The following MTA3 variants were observed in gnomAD, a reference collection of about 807,000 sequenced individuals.
MTA3 encodes metastasis associated 1 family member 3.
MTA3 carries 34 observed loss-of-function variants against 83.5 expected under a neutral mutation model. The observed-to-expected ratio is 0.41, with a 90% CI of 0.31 to 0.54. The LOEUF is 0.54. Ranked by LOEUF, MTA3 falls within the 20% of genes least tolerant of loss-of-function variation. The probability of loss-of-function intolerance (pLI) is 0.33; values close to 1 mark genes in which losing one functional copy is unlikely to be tolerated. For synonymous variants in MTA3, 303 were observed against 252.7 expected (o/e 1.20, Z -1.89); for missense variants, 761 against 726.4 (o/e 1.05, Z -0.55).
At chr2:42,541,877 C>A (rs534680612) in intron 2 of MTA3, among the ~76,000 whole-genome samples, 1 of 152,278 alleles carries the variant, frequency 6.6e-6, no homozygotes, top group African/African-American at 2.4e-5. Flanking sequence ...CAGATGGCTA[C>A]TGTCAATTAG....
In MTA3 at chr2:42,742,518, G is replaced by A. The variant is rs189633917; in HGVS notation, c.1760-10856G>A. On this transcript the variant is annotated intron_variant, in intron 16 of 16. Coordinates refer to ENST00000405094, the MANE Select transcript of MTA3 (RefSeq NM_001330442.2). ...CGATATACCAAATATAAAAGTTGGG[G>A]TATAGGAACTATATTTTTCTGGAAG... Among the ~76,000 whole-genome samples the A allele has an allele frequency of 6.6e-4, 101 of 152,214 alleles. 1 individual carries two copies. Among genetic ancestry groups the A allele is most frequent in the African/African-American group, 2.4e-3 (99 of 41,540 alleles).
At chr2:42,715,200 C>G (rs1666937088) in intron 14 of MTA3, among the ~76,000 whole-genome samples, 1 of 152,158 alleles carries the variant, frequency 6.6e-6, no homozygotes, top group Non-Finnish European at 1.5e-5. Context: ...CATTGTTGGC[C>G]TGGCATTGAG....
In MTA3 at chr2:42,512,345, C is replaced by T. The variant is rs529056444; in HGVS notation, c.-141+17091C>T. Among the ~76,000 whole-genome samples the T allele has an allele frequency of 2.0e-5, 3 of 152,258 alleles. No individual in the cohort carries two copies. The East Asian group carries it at 5.8e-4, about 29-fold the overall frequency. ...GCTTTCCTAGTTTTTCGGGATTCCA[C>T]TTCCAGTGCTGTAACTCCATGCTGC... On this transcript the variant is annotated intron_variant, in intron 2 of 17. Coordinates refer to the MTA3 transcript ENST00000405592.
chr2:42,542,295 T>C (rs1277264835), intron 2 of MTA3, among the ~76,000 whole-genome samples: 2 of 152,168 alleles, frequency 1.3e-5, no homozygotes, highest in East Asian at 3.8e-4. Context: ...GGGTGAGTTA[T>C]CAGACAATGC....
chr2:42,537,917 A>G (rs1249037244), intron 2 of MTA3, among the ~76,000 whole-genome samples: 1 of 152,150 alleles, frequency 6.6e-6, no homozygotes, highest in Non-Finnish European at 1.5e-5. Flanking sequence ...ACTTCCGGGT[A>G]GTTCAGCAAA....
intron 7 of MTA3, among the ~76,000 whole-genome samples, chr2:42,659,127 C>T (rs1157730239): frequency 6.6e-6 from 1 of 152,022 alleles, no homozygotes; most frequent in African/African-American, 2.4e-5. Context: ...AATAAAAAAT[C>T]TCTTCCATAG....
At chr2:42,556,768 G>A (rs984983926) in intron 2 of MTA3, among the ~76,000 whole-genome samples, 1 of 152,166 alleles carries the variant, frequency 6.6e-6, no homozygotes, top group Non-Finnish European at 1.5e-5. Context: ...TTGGTGGGGG[G>A]AATGGGAAGA....
intron 6 of MTA3, among the ~76,000 whole-genome samples, chr2:42,645,567 C>T (rs568009354): frequency 2.0e-4 from 31 of 152,184 alleles, no homozygotes; most frequent in African/African-American, 7.0e-4. Context: ...ACAAAACAGC[C>T]TTACTGCTTT....
chr2:42,570,501 C>T lies in MTA3; in HGVS notation c.93C>T (p.Asn31=), dbSNP rs750873690. ...TAATAAGAAGGATAGAAGAACTCAA[C>T]AAGGTATACACTGAGTGTTCTTAAT... ...PYLIRRIEEL[N]KTASGNVEAK... Residue 31 remains asparagine (N), a synonymous_variant, in exon 2 of 17, where the codon AAC becomes AAT. Transcript: ENST00000405094. 2 of 1,507,906 alleles carry T rather than the reference C, an allele frequency of 1.3e-6. No individual in the cohort carries two copies. The highest frequency in any genetic ancestry group is 1.8e-6 in the Non-Finnish European group (2 of 1,107,612). The allele number at this position is 1,507,906 out of a possible 1,614,324, so 93.4% of individuals were successfully genotyped here.
rs1670204565 is a variant in MTA3, at chr2:42,755,850, C to T, written c.*2451C>T. ...CAGACATGCCCCTGGGGTGAGGACA[C>T]AGGCTCTGCAGGCTATCTCCCCCTC... On this transcript the variant is annotated 3_prime_UTR_variant, in exon 17 of 17. Coordinates refer to ENST00000405094, the MANE Select transcript of MTA3 (RefSeq NM_001330442.2). 6.1e-5 allele frequency: 60 copies of T among 985,436 alleles called. No homozygotes were observed. The highest frequency in any genetic ancestry group is 7.0e-5 in the Non-Finnish European group (58 of 830,050). 61.0% of individuals were successfully genotyped at this position (985,436 alleles called of 1,614,324 possible). A position where few individuals can be genotyped will look rare whatever the true frequency, so the allele number is the denominator to read the frequency against.
intron 15 of MTA3, among the ~76,000 whole-genome samples, chr2:42,720,951 CAA>C (rs377702701): frequency 0.28 from 19,265 of 68,890 alleles, 784 homozygotes; most frequent in Admixed American, 0.37. Context: ...GACCCTGTCT[CAA>C]AAAAAAAAAA....
chr2:42,669,643 A>T (rs1055882227), intron 8 of MTA3, among the ~76,000 whole-genome samples: 1 of 152,184 alleles, frequency 6.6e-6, no homozygotes, highest in Non-Finnish European at 1.5e-5. Flanking sequence ...TACATTACAC[A>T]CACGTCTTTT....
chr2:42,598,690 C>T (rs146447238), intron 3 of MTA3, among the ~76,000 whole-genome samples: 242 of 152,268 alleles, frequency 1.6e-3, no homozygotes, highest in Non-Finnish European at 2.7e-3. Flanking sequence ...GATAAATTAA[C>T]GTTGTTGAGC....
intron 6 of MTA3, among the ~76,000 whole-genome samples, chr2:42,650,279 A>G (rs1230766903): frequency 6.6e-6 from 1 of 152,192 alleles, no homozygotes; most frequent in Non-Finnish European, 1.5e-5. Flanking sequence ...CCTAGTGGAG[A>G]GAGAGGCCAG....
At chr2:42,547,954 CAAAT>C (rs1676834786) in intron 2 of MTA3, among the ~76,000 whole-genome samples, 1 of 152,108 alleles carries the variant, frequency 6.6e-6, no homozygotes, top group Non-Finnish European at 1.5e-5. Flanking sequence ...CACGAGGACT[CAAAT>C]AAAGAAGTAC....
chr2:42,703,052 TG>T (rs1665728139), intron 11 of MTA3: 1 of 152,340 alleles, frequency 6.6e-6, no homozygotes, highest in Admixed American at 6.5e-5. Flanking sequence ...CTCTAACTCC[TG>T]GGCTCAAGTG....
intron 2 of MTA3, among the ~76,000 whole-genome samples, chr2:42,560,850 T>C (rs545143446): frequency 6.6e-6 from 1 of 152,256 alleles, no homozygotes; most frequent in Admixed American, 6.5e-5. Flanking sequence ...GAGGTTGCAG[T>C]GAGCTGAGAT....
chr2:42,586,828 T>C (rs1025037691), intron 3 of MTA3, among the ~76,000 whole-genome samples: 6 of 152,038 alleles, frequency 3.9e-5, no homozygotes, highest in African/African-American at 7.2e-5. Flanking sequence ...ATCGAGACCA[T>C]CCTGGCCAAC....
At chr2:42,607,097 TAGA>T (rs1466011541) in intron 3 of MTA3, among the ~76,000 whole-genome samples, 189 of 11,776 alleles carry the variant, frequency 0.016, 1 homozygote, top group African/African-American at 0.09. Flanking sequence ...GGGGTAGGGG[TAGA>T]GGTAGAGGTA....
Sources: allele counts gnomAD v4.1 joint callset (sites outside exome capture counted in the v4.1 genomes callset), GRCh38; gene constraint gnomAD v4.1.1; transcripts MANE v1.5; gene names NCBI Gene and HGNC (gene_info 2026-07-23, HGNC 2026-07-21).